The following PPARGC1A variants were observed in gnomAD, a reference collection of about 807,000 sequenced individuals.
PPARGC1A encodes the protein peroxisome proliferator-activated receptor gamma coactivator 1-alpha.
A neutral mutation model predicts 88.7 loss-of-function variants in PPARGC1A; 25 were observed. The observed-to-expected ratio is 0.28, with a 90% CI of 0.21 to 0.39. The LOEUF is 0.39. Ranked by LOEUF, PPARGC1A falls within the 10% of genes least tolerant of loss-of-function variation. The pLI is 1.00. For synonymous variants in PPARGC1A, 363 were observed against 355.6 expected (o/e 1.02, Z -0.24); for missense variants, 880 against 968.7 (o/e 0.91, Z 1.22).
chr4:24,119,265 T>C, the PPARGC1A span, among the ~76,000 whole-genome samples: 5 of 152,144 alleles, frequency 3.3e-5, no homozygotes, highest in African/African-American at 1.2e-4. Context: ...ATCTAAGCAC[T>C]AAGAATCAAG....
chr4:24,284,464 T>C, the PPARGC1A span, among the ~76,000 whole-genome samples: 10 of 152,362 alleles, frequency 6.6e-5, no homozygotes, highest in East Asian at 1.9e-3. Flanking sequence ...CAATGTTTAC[T>C]TCTGAGTTTC....
the PPARGC1A span, among the ~76,000 whole-genome samples, chr4:24,357,539 T>A: frequency 6.6e-6 from 1 of 152,270 alleles, no homozygotes; most frequent in Non-Finnish European, 1.5e-5. Flanking sequence ...TTGAAGGCTC[T>A]ACAAGGCATT....
the PPARGC1A span, among the ~76,000 whole-genome samples, chr4:24,106,590 C>T: frequency 3.3e-5 from 5 of 152,124 alleles, no homozygotes; most frequent in African/African-American, 1.2e-4. Context: ...AAGAAGTCCC[C>T]GATTCTCTGT....
chr4:24,427,213 TGA>T, the PPARGC1A span, among the ~76,000 whole-genome samples: 2 of 152,172 alleles, frequency 1.3e-5, no homozygotes, highest in Admixed American at 6.5e-5. Flanking sequence ...TCCTGTAAAC[TGA>T]GAGATTTTTG....
the PPARGC1A span, among the ~76,000 whole-genome samples, chr4:24,201,138 C>A: frequency 6.6e-6 from 1 of 152,160 alleles, no homozygotes; most frequent in Non-Finnish European, 1.5e-5. Context: ...AAATTATATG[C>A]CATAAAACTA....
the PPARGC1A span, among the ~76,000 whole-genome samples, chr4:24,448,395 G>A: frequency 6.6e-6 from 1 of 152,140 alleles, no homozygotes; most frequent in Admixed American, 6.5e-5. Context: ...TTATGCAAGA[G>A]CCCCTCACTT....
chr4:24,021,724 C>A, the PPARGC1A span, among the ~76,000 whole-genome samples: 11 of 152,216 alleles, frequency 7.2e-5, no homozygotes, highest in Non-Finnish European at 1.5e-4. Flanking sequence ...AACTGTCCTA[C>A]CTTAAAGCAT....
the PPARGC1A span, among the ~76,000 whole-genome samples, chr4:24,017,482 C>T: frequency 2.0e-5 from 3 of 151,822 alleles, no homozygotes; most frequent in South Asian, 4.2e-4. Flanking sequence ...TAGTGTACAC[C>T]AGACAGATCA....
rs1717286248 is a variant in PPARGC1A at position 23,795,161 on chromosome 4, A to G, written c.*661T>C. ...ACGTTATGAGAGAAAGCTTGCTTCA[A>G]GTTGATTCTGCACTTTCTTAAAAAA... On this transcript the variant is annotated 3_prime_UTR_variant, in exon 13 of 13. Transcript: ENST00000264867. 6.6e-6 allele frequency: 1 copy of G among 151,816 alleles called. No individual in the cohort carries two copies. The highest frequency in any genetic ancestry group is 2.4e-5 in the African/African-American group (1 of 41,226). The allele number at this position is 151,816 out of a possible 1,614,324, so 9.4% of individuals were successfully genotyped here. A position where few individuals can be genotyped will look rare whatever the true frequency, so the allele number is the denominator to read the frequency against.
chr4:24,250,967 C>T, the PPARGC1A span, among the ~76,000 whole-genome samples: 10 of 152,350 alleles, frequency 6.6e-5, no homozygotes, highest in South Asian at 6.2e-4. Flanking sequence ...AGGCCAAACT[C>T]ATCTGGGGAA....
chr4:23,946,013 C>T, the PPARGC1A span, among the ~76,000 whole-genome samples: 24 of 152,032 alleles, frequency 1.6e-4, no homozygotes, highest in Non-Finnish European at 5.9e-5. Flanking sequence ...CCGGACCCTC[C>T]CTCCTCCCCA....
the PPARGC1A span, among the ~76,000 whole-genome samples, chr4:23,991,807 C>A: frequency 2.0e-5 from 3 of 151,900 alleles, no homozygotes; most frequent in Non-Finnish European, 2.9e-5. Context: ...AGTGTTTCAA[C>A]AACTAGAATG....
chr4:24,118,650 GATAA>G, the PPARGC1A span, among the ~76,000 whole-genome samples: 2 of 152,050 alleles, frequency 1.3e-5, no homozygotes, highest in African/African-American at 2.4e-5. Context: ...TCTAGAAACA[GATAA>G]ATATAGACAC....
the PPARGC1A span, among the ~76,000 whole-genome samples, chr4:24,445,817 C>CT: frequency 6.6e-6 from 1 of 152,176 alleles, no homozygotes; most frequent in Non-Finnish European, 1.5e-5. Context: ...CCTCTAATCT[C>CT]TGCACTTTGG....
At chr4:24,104,708 T>C in the PPARGC1A span, among the ~76,000 whole-genome samples, 7 of 152,180 alleles carry the variant, frequency 4.6e-5, no homozygotes, top group Non-Finnish European at 8.8e-5. Context: ...TGGGGCTGTT[T>C]GTATACCTGT....
chr4:24,345,340 T>A, the PPARGC1A span, among the ~76,000 whole-genome samples: 1 of 152,272 alleles, frequency 6.6e-6, no homozygotes, highest in South Asian at 2.1e-4. Flanking sequence ...ATTTGTAGAT[T>A]GCTTTTGGCA....
At chr4:24,049,725 T>C in the PPARGC1A span, among the ~76,000 whole-genome samples, 1 of 152,152 alleles carries the variant, frequency 6.6e-6, no homozygotes, top group Non-Finnish European at 1.5e-5. Flanking sequence ...GATTATTCCC[T>C]TTTTCATTAT....
the PPARGC1A span, among the ~76,000 whole-genome samples, chr4:24,059,161 G>A: frequency 6.6e-6 from 1 of 152,020 alleles, no homozygotes; most frequent in Admixed American, 6.6e-5. Context: ...GCTATCAAAA[G>A]GGCAAAAACT....
At chr4:24,438,072 G>A in the PPARGC1A span, among the ~76,000 whole-genome samples, 1 of 152,176 alleles carries the variant, frequency 6.6e-6, no homozygotes, top group Non-Finnish European at 1.5e-5. Flanking sequence ...TCCAGCAAGA[G>A]GACACAGCAG....
Sources: gnomAD v4.1 joint callset for allele counts (sites outside exome capture counted in the v4.1 genomes callset) on GRCh38, gnomAD v4.1.1 for gene constraint, MANE v1.5 for transcripts, NCBI Gene and HGNC (gene_info 2026-07-23, HGNC 2026-07-21) for gene names.